The following SPATA9 variants were observed in gnomAD, a reference collection of about 807,000 sequenced individuals.
The protein encoded by SPATA9 is spermatogenesis associated 9.
A neutral mutation model predicts 25.5 loss-of-function variants in SPATA9; 27 were observed. The observed-to-expected ratio is 1.06, with a 90% CI of 0.78 to 1.46. The LOEUF is 1.46. SPATA9 is among the 40% of genes most tolerant of loss of function. The pLI, the probability that SPATA9 is intolerant of heterozygous loss-of-function variation, is 0.00. For synonymous variants in SPATA9, 102 were observed against 105.7 expected, an observed-to-expected ratio of 0.97 and a Z score of 0.21; for missense variants, 282 against 297.5, an observed-to-expected ratio of 0.95 and a Z score of 0.38.
At chr5:95,721,825 A>G in the SPATA9 span, among the ~76,000 whole-genome samples, 1 of 152,178 alleles carries the variant, frequency 6.6e-6, no homozygotes, top group African/African-American at 2.4e-5. Flanking sequence ...AAATTGTTAA[A>G]TGTTTCAGCT....
chr5:95,682,891 C>A lies in SPATA9; in HGVS notation c.-37G>T. 6.7e-7 allele frequency: 1 copy of A among 1,487,398 alleles called. No homozygotes were observed. The highest frequency in any genetic ancestry group is 8.9e-7 in the Non-Finnish European group (1 of 1,120,756). 92.1% of individuals were successfully genotyped at this position (1,487,398 alleles called of 1,614,324 possible). A position where few individuals can be genotyped will look rare whatever the true frequency, so the allele number is the denominator to read the frequency against. On this transcript the variant is annotated 5_prime_UTR_variant, in exon 1 of 5. Transcript: ENST00000274432. ...GCTTGGGTTCCTAGTCCTTAACAAG[C>A]TTGCAGGCCTGGGTAATGCTTGTCC...
intron 4 of SPATA9, 45 bp from the exon 5 acceptor site, chr5:95,658,958 T>C: frequency 6.5e-7 from 1 of 1,541,780 alleles, no homozygotes; most frequent in Non-Finnish European, 8.7e-7. Context: ...CTTTTTAAGC[T>C]ACTAACCACA....
chr5:95,701,217 A>G (rs1270380128), upstream of SPATA9: 72 of 152,134 alleles, frequency 4.7e-4, no homozygotes, highest in Admixed American at 4.7e-3. Context: ...CAACTGCAAT[A>G]ATTCTTTGGA....
At chr5:95,728,219 A>G in the SPATA9 span, among the ~76,000 whole-genome samples, 1 of 152,322 alleles carries the variant, frequency 6.6e-6, no homozygotes, top group East Asian at 1.9e-4. Flanking sequence ...ATCACCAGGT[A>G]TGACTCCAGA....
chr5:95,722,372 A>ATT, the SPATA9 span, among the ~76,000 whole-genome samples: 1 of 152,252 alleles, frequency 6.6e-6, no homozygotes, highest in Non-Finnish European at 1.5e-5. Context: ...TTTCTGTATG[A>ATT]TTACAAATGG....
At chr5:95,657,462 T>C (rs1460751165), downstream of SPATA9, 1 of 151,818 alleles carries the variant, frequency 6.6e-6, no homozygotes, top group Non-Finnish European at 1.5e-5. Flanking sequence ...AATGAGTAGA[T>C]GATGAATTCA....
chr5:95,670,297 A>G (rs1752246644), intron 3 of SPATA9: 1 of 152,168 alleles, frequency 6.6e-6, no homozygotes, highest in African/African-American at 2.4e-5. Flanking sequence ...TATTCTAGTT[A>G]TTGTTTGTGT....
chr5:95,655,857 T>A (rs1182200630), downstream of SPATA9: 1 of 547,218 alleles, frequency 1.8e-6, no homozygotes, highest in Admixed American at 3.5e-5. Flanking sequence ...GGCTTTCTAA[T>A]CAACTGTAAA....
At chr5:95,707,929 A>C in the SPATA9 span, among the ~76,000 whole-genome samples, 1 of 152,246 alleles carries the variant, frequency 6.6e-6, no homozygotes, top group Non-Finnish European at 1.5e-5. Flanking sequence ...TTGATTCCTC[A>C]GTTATAACAA....
At chr5:95,730,836 C>T in the SPATA9 span, 1 of 450,164 alleles carries the variant, frequency 2.2e-6, no homozygotes, top group Non-Finnish European at 4.5e-6. Context: ...TTTTTTCTCA[C>T]AAGTATGATT....
intron 2 of SPATA9, among the ~76,000 whole-genome samples, 180 bp from the exon 3 acceptor site, chr5:95,675,819 C>CTTT (rs33943918): frequency 0.053 from 5,765 of 108,000 alleles, 231 homozygotes; most frequent in African/African-American, 0.12. Flanking sequence ...GTACTTAAAC[C>CTTT]TTTTTTTTTT....
At chr5:95,652,576 TA>T, downstream of SPATA9, 1 of 402,828 alleles carries the variant, frequency 2.5e-6, no homozygotes, top group Non-Finnish European at 4.3e-6. Context: ...TGCACAAACC[TA>T]AAACTTGGGA....
At position 95,663,978 on chromosome 5, in the gene SPATA9, G is replaced by C; in HGVS notation, c.449C>G (p.Ala150Gly). 1 of 1,589,634 alleles carries C rather than the reference G, an allele frequency of 6.3e-7. No homozygotes were observed. The highest frequency in any genetic ancestry group is 8.6e-7 in the Non-Finnish European group (1 of 1,165,414). Reference sequence around the variant, plus strand: ...CAAATAAATTAGTGCTGCATATGAAGCATATATTATGCTAGTTAAAGCAGT... The same window carrying C: ...CAAATAAATTAGTGCTGCATATGAACCATATATTATGCTAGTTAAAGCAGT... ...AKTALTSIIYASYAALIYLAV... is the reference protein window; with the variant it reads ...AKTALTSIIYGSYAALIYLAV... The change falls in exon 4 of 5, where the codon GCT becomes GGT. Residue 150 changes from alanine (A) to glycine (G), a missense_variant. Transcript: ENST00000274432.
downstream of SPATA9, chr5:95,656,213 C>T (rs137960495): frequency 5.7e-5 from 92 of 1,613,662 alleles, no homozygotes; most frequent in South Asian, 2.1e-4. Flanking sequence ...CAGTAGACAA[C>T]GGAAATATTT....
At chr5:95,669,491 A>G (rs1027095216) in intron 3 of SPATA9, among the ~76,000 whole-genome samples, 1 of 152,224 alleles carries the variant, frequency 6.6e-6, no homozygotes, top group African/African-American at 2.4e-5. Flanking sequence ...ACTGGGATCC[A>G]CCTTACAGCC....
intron 2 of SPATA9, among the ~76,000 whole-genome samples, chr5:95,675,977 A>G (rs1480922556): frequency 6.6e-6 from 1 of 151,996 alleles, no homozygotes; most frequent in Non-Finnish European, 1.5e-5. Flanking sequence ...AAGCACCACC[A>G]TGCCCATCTA....
At chr5:95,731,311 G>C in the SPATA9 span, 1 of 1,062,318 alleles carries the variant, frequency 9.4e-7, no homozygotes, top group Non-Finnish European at 1.1e-6. Flanking sequence ...TCTCTGCTTA[G>C]AGGAGGAGGA....
the SPATA9 span, among the ~76,000 whole-genome samples, chr5:95,719,288 A>C: frequency 1.3e-5 from 2 of 152,204 alleles, no homozygotes; most frequent in African/African-American, 4.8e-5. Flanking sequence ...GAAGAACAGA[A>C]GTGCTTCAGG....
the SPATA9 span, among the ~76,000 whole-genome samples, chr5:95,722,448 G>T: frequency 2.0e-5 from 3 of 151,922 alleles, no homozygotes; most frequent in African/African-American, 7.3e-5. Context: ...AATAATACTT[G>T]TATTTATTTA....
Sources: allele counts gnomAD v4.1 joint callset (sites outside exome capture counted in the v4.1 genomes callset), GRCh38; gene constraint gnomAD v4.1.1; transcripts MANE v1.5; gene names NCBI Gene and HGNC (gene_info 2026-07-23, HGNC 2026-07-21).